Variants in PCDHGA2 observed in about 807,000 individuals in gnomAD.
The protein encoded by PCDHGA2 is protocadherin gamma subfamily A, 2.
In PCDHGA2, 40 loss-of-function variants were observed where a neutral mutation model predicts 59.2. The ratio of observed to expected loss-of-function variants is 0.68; its 90% CI spans 0.52 to 0.88. PCDHGA2 has a LOEUF of 0.88. Among genes scored for constraint, PCDHGA2 ranks in the 40% least tolerant of loss-of-function variants. The pLI, the probability that PCDHGA2 is intolerant of heterozygous loss-of-function variation, is 0.00. For missense variants in PCDHGA2, 1,226 were observed against 1,204.0 expected, an observed-to-expected ratio of 1.02 and a Z score of -0.27; for synonymous variants, 560 against 526.0, an observed-to-expected ratio of 1.06 and a Z score of -0.89.
chr5:141,414,868 G>C, intron 1 of PCDHGA2: 1 of 1,614,216 alleles, frequency 6.2e-7, no homozygotes, highest in Non-Finnish European at 8.5e-7. Flanking sequence ...CAATGCGCCC[G>C]AGATCCTGTA....
chr5:141,510,400 TA>T (rs780031896), intron 3 of PCDHGA2, among the ~76,000 whole-genome samples: 12 of 151,920 alleles, frequency 7.9e-5, no homozygotes, highest in Non-Finnish European at 1.3e-4. Flanking sequence ...TGGCAAAGGC[TA>T]GGGGCATGTA....
intron 3 of PCDHGA2, chr5:141,508,415 A>T (rs2099868684): frequency 6.6e-6 from 1 of 152,158 alleles, no homozygotes; most frequent in Non-Finnish European, 1.5e-5. Context: ...CCACGCAGAG[A>T]CTTGACCAAG....
At chr5:141,436,105 A>G (rs2097796181) in intron 1 of PCDHGA2, among the ~76,000 whole-genome samples, 2 of 152,198 alleles carry the variant, frequency 1.3e-5, no homozygotes, top group African/African-American at 4.8e-5. Context: ...GAAATAGAGG[A>G]CAATGAAACC....
At chr5:141,421,435 A>G (rs775839500) in intron 1 of PCDHGA2, 3 of 1,614,108 alleles carry the variant, frequency 1.9e-6, no homozygotes, top group East Asian at 4.5e-5. Context: ...CATCGTCTCC[A>G]GAGGGAAGAC....
intron 1 of PCDHGA2, among the ~76,000 whole-genome samples, chr5:141,467,823 T>A (rs1225960296): frequency 1.3e-5 from 2 of 152,012 alleles, no homozygotes; most frequent in African/African-American, 2.4e-5. Flanking sequence ...CACACCAGGC[T>A]GATTTTTATA....
At chr5:141,399,008 G>A (rs2093737383) in intron 1 of PCDHGA2, 4 of 1,613,904 alleles carry the variant, frequency 2.5e-6, no homozygotes, top group African/African-American at 1.3e-5. Flanking sequence ...AATTCAAAGA[G>A]CGGAGAAATT....
intron 1 of PCDHGA2, among the ~76,000 whole-genome samples, chr5:141,464,197 G>A (rs1216682352): frequency 3.3e-5 from 5 of 151,394 alleles, no homozygotes; most frequent in African/African-American, 9.7e-5. Context: ...TTCAGGAGGC[G>A]GAGATTGCAG....
chr5:141,404,021 A>C lies in PCDHGA2; in HGVS notation c.2424+62626A>C, dbSNP rs192150782. 5 of 1,613,894 alleles carry C rather than the reference A, an allele frequency of 3.1e-6. No individual in the cohort carries two copies. The African/African-American group carries it at 4.0e-5, about 13-fold the overall frequency. ...CATTACATCTCTGTTTAGCCCAGTG[A>C]GAGAAGACGCACCTCAGGGAACAGT... On this transcript the variant is annotated intron_variant, in intron 1 of 3. Coordinates refer to ENST00000394576, the MANE Select transcript of PCDHGA2 (RefSeq NM_018915.4).
Position 141,389,968 on chromosome 5 carries a change from C to A in PCDHGA2, c.2424+48573C>A, listed in dbSNP as rs898974383. ...CAGTTTTACCTAGTGGTGGCCTTGG[C>A]CTTGATCTCAGTGCTCTTCCTCGTG... is the stretch of plus-strand genomic sequence containing the variant. On this transcript the variant is annotated intron_variant, in intron 1 of 3. Coordinates refer to ENST00000394576, the MANE Select transcript of PCDHGA2 (RefSeq NM_018915.4). 3 of 1,613,908 alleles carry A rather than the reference C, an allele frequency of 1.9e-6. No homozygotes were observed. The highest frequency in any genetic ancestry group is 2.5e-6 in the Non-Finnish European group (3 of 1,179,892).
At chr5:141,445,312 T>C (rs1419229431) in intron 1 of PCDHGA2, among the ~76,000 whole-genome samples, 2 of 152,194 alleles carry the variant, frequency 1.3e-5, no homozygotes, top group African/African-American at 4.8e-5. Context: ...AGTTTGTAGG[T>C]TGAGAGAACC....
Position 141,490,027 on chromosome 5 carries a change from CG to C in PCDHGA2, c.2425-4779del. The C allele has an allele frequency of 6.2e-7, 1 of 1,614,214 alleles. No individual in the cohort carries two copies. Among genetic ancestry groups the C allele is most frequent in the Admixed American group, 1.7e-5 (1 of 60,032 alleles). On this transcript the variant is annotated intron_variant, in intron 1 of 3. Transcript: ENST00000394576. The surrounding 1 kb of genome is among the most constrained non-coding windows in gnomAD (Gnocchi z 5.4). Reference sequence around the variant, plus strand: ...TGCACCCATTGGTACTCTGCTGCTCCGCCTCAATGCCACTGATCCAGACGAG... The same window carrying C: ...TGCACCCATTGGTACTCTGCTGCTCCCCTCAATGCCACTGATCCAGACGAG...
chr5:141,417,721 C>A, intron 1 of PCDHGA2: 2 of 1,330,572 alleles, frequency 1.5e-6, no homozygotes, highest in Non-Finnish European at 2.0e-6. Context: ...CCCGGCTGCG[C>A]AGACCTTGCC....
At chr5:141,366,918 A>G in intron 1 of PCDHGA2, 1 of 1,091,754 alleles carries the variant, frequency 9.2e-7, no homozygotes, top group Non-Finnish European at 1.3e-6. Context: ...TTTGTTTTCA[A>G]ATTCTGTTTT....
At position 141,408,680 on chromosome 5, in the gene PCDHGA2, C is replaced by G. The variant is rs774572788; in HGVS notation, c.2424+67285C>G. 1.5e-4 allele frequency: 245 copies of G among 1,613,812 alleles called. No homozygotes were observed. Among genetic ancestry groups the G allele is most frequent in the Non-Finnish European group, 1.9e-4 (222 of 1,179,872 alleles). On this transcript the variant is annotated intron_variant, in intron 1 of 3. Coordinates refer to ENST00000394576, the MANE Select transcript of PCDHGA2 (RefSeq NM_018915.4). ...ACTATCGCTTGACCCTGCCACGGAT[C>G]CTGATATAAACATAAACTCAATTAA...
At chr5:141,354,754 C>A (rs1399681540) in intron 1 of PCDHGA2, among the ~76,000 whole-genome samples, 2 of 152,014 alleles carry the variant, frequency 1.3e-5, no homozygotes, top group East Asian at 3.9e-4. Flanking sequence ...AGAGGAAGAA[C>A]ACATCTTAGG....
intron 2 of PCDHGA2, 58 bp downstream of exon 2, chr5:141,494,923 G>T: frequency 6.2e-7 from 1 of 1,613,698 alleles, no homozygotes; most frequent in Non-Finnish European, 8.5e-7. Context: ...CAGGGATGAC[G>T]TGGGAGGAGA....
chr5:141,474,260 A>G (rs1459875243), intron 1 of PCDHGA2, among the ~76,000 whole-genome samples: 1 of 152,170 alleles, frequency 6.6e-6, no homozygotes, highest in Non-Finnish European at 1.5e-5. Flanking sequence ...AGACTGATAA[A>G]CCAGTGTATC....
At chr5:141,400,234 G>T (rs749957043) in intron 1 of PCDHGA2, 6 of 1,613,868 alleles carry the variant, frequency 3.7e-6, no homozygotes, top group African/African-American at 1.3e-5. Context: ...CCTCCTGGCC[G>T]TGATTCTGGC....
rs552017054 is a variant in PCDHGA2 at position 141,425,594 on chromosome 5, A to G, written c.2425-69213A>G. On this transcript the variant is annotated intron_variant, in intron 1 of 3. Transcript: ENST00000394576. ...GGGTTTGGCTAACTTTATTCTGAAT[A>G]TGCCCTATATAGCTTTCAGTGCTCC... 2.6e-5 allele frequency among the ~76,000 whole-genome samples: 4 copies of G among 152,370 alleles called. No homozygotes were observed. In the South Asian group the frequency reaches 8.3e-4, roughly 32 times the overall value.
Sources: gnomAD v4.1 joint callset for allele counts (sites outside exome capture counted in the v4.1 genomes callset) on GRCh38, gnomAD v4.1.1 for gene constraint, Gnocchi (gnomAD v3.1) non-coding constraint, MANE v1.5 for transcripts, NCBI Gene and HGNC (gene_info 2026-07-23, HGNC 2026-07-21) for gene names.